JRK: variants seen among roughly 807,000 people sequenced by gnomAD.
JRK encodes the protein jerky protein homolog.
For missense variants in JRK, 720 were observed against 509.2 expected (o/e 1.41, Z -3.98); for synonymous variants, 303 against 218.1 (o/e 1.39, Z -3.43).
Position 142,660,274 on chromosome 8 carries a change from T to C in JRK, c.*4078A>G. The C allele has an allele frequency of 1.0e-6, 1 of 985,800 alleles. No homozygotes were observed. The highest frequency in any genetic ancestry group is 5.2e-4 in the Middle Eastern group (1 of 1,914). The allele number at this position is 985,800 out of a possible 1,614,324, so 61.1% of individuals were successfully genotyped here. On this transcript the variant is annotated 3_prime_UTR_variant, in exon 2 of 2. Coordinates refer to ENST00000612905, the MANE Select transcript of JRK (RefSeq NM_003724.4). ...AAGTGCAGAAGCCCTGCCCAGGCCC[T>C]GCCTCCCAGGCCACCACCCACCCCT...
Position 142,663,507 on chromosome 8 carries a change from A to T in JRK, c.*845T>A, listed in dbSNP as rs1339473356. On this transcript the variant is annotated 3_prime_UTR_variant, in exon 2 of 2. Transcript: ENST00000612905. ...ATGTCTGATCAAGACGTATTCATGT[A>T]AAGGCCATAAGTATGAAATTCTGGG... The T allele has an allele frequency of 1.0e-6, 1 of 985,368 alleles. No homozygotes were observed. Among genetic ancestry groups the T allele is most frequent in the Admixed American group, 6.1e-5 (1 of 16,278 alleles). 61.0% of individuals were successfully genotyped at this position (985,368 alleles called of 1,614,324 possible).
chr8:142,651,928 A>C, the JRK span, among the ~76,000 whole-genome samples: 83,451 of 151,870 alleles, frequency 0.55, 24,235 homozygotes, highest in Admixed American at 0.66. Context: ...CAAACTCCAT[A>C]AAGGAGTTAC....
At position 142,658,637 on chromosome 8, in the gene JRK, G is replaced by T; in HGVS notation, c.*5715C>A. The T allele has an allele frequency of 1.6e-6, 1 of 628,004 alleles. No individual in the cohort carries two copies. The highest frequency in any genetic ancestry group is 2.5e-6 in the Non-Finnish European group (1 of 401,276). The allele number at this position is 628,004 out of a possible 1,614,324, so 38.9% of individuals were successfully genotyped here. Reference sequence around the variant, plus strand: ...GCCCCACCCTCACGATCTCACCTAAGCCTAGTCACCTCCCAAAGGCCCCAC... The same window carrying T: ...GCCCCACCCTCACGATCTCACCTAATCCTAGTCACCTCCCAAAGGCCCCAC... On this transcript the variant is annotated 3_prime_UTR_variant, in exon 2 of 2. Coordinates refer to ENST00000612905, the MANE Select transcript of JRK (RefSeq NM_003724.4).
Position 142,662,213 on chromosome 8 carries a change from G to T in JRK, c.*2139C>A. On this transcript the variant is annotated 3_prime_UTR_variant, in exon 2 of 2. Transcript: ENST00000612905. Reference sequence around the variant, plus strand: ...CACAAGAGCAGATCAAGAACGGGAAGAGCTCAGGTCCTGAAGAGCTACAGT... The same window carrying T: ...CACAAGAGCAGATCAAGAACGGGAATAGCTCAGGTCCTGAAGAGCTACAGT... 1.4e-5 allele frequency: 14 copies of T among 985,536 alleles called. No homozygotes were observed. The highest frequency in any genetic ancestry group is 1.7e-5 in the Non-Finnish European group (14 of 830,026). 61.0% of individuals were successfully genotyped at this position (985,536 alleles called of 1,614,324 possible).
chr8:142,664,145 T>G lies in JRK; in HGVS notation c.*207A>C. ...CCTCACTTTCGGATGACACGGCAAG[T>G]GATAAAATAAAACCTGTATTGACAG... On this transcript the variant is annotated 3_prime_UTR_variant, in exon 2 of 2. Coordinates refer to ENST00000612905, the MANE Select transcript of JRK (RefSeq NM_003724.4). 2 of 1,324,268 alleles carry G rather than the reference T, an allele frequency of 1.5e-6. No homozygotes were observed. The highest frequency in any genetic ancestry group is 2.8e-5 in the East Asian group (1 of 35,924). 82.0% of individuals were successfully genotyped at this position (1,324,268 alleles called of 1,614,324 possible). A position where few individuals can be genotyped will look rare whatever the true frequency, so the allele number is the denominator to read the frequency against.
At chr8:142,648,009 A>G in the JRK span, among the ~76,000 whole-genome samples, 1 of 152,256 alleles carries the variant, frequency 6.6e-6, no homozygotes, top group Admixed American at 6.5e-5. Flanking sequence ...ATATTTTAGC[A>G]AAGAGACTGG....
downstream of JRK, among the ~76,000 whole-genome samples, chr8:142,653,909 T>C (rs1172264953): frequency 2.0e-5 from 3 of 152,178 alleles, no homozygotes; most frequent in Non-Finnish European, 2.9e-5. Flanking sequence ...ATAAGAAAAC[T>C]CCACTCTCCC....
At chr8:142,667,397 G>A (rs1847161238) in intron 1 of JRK, among the ~76,000 whole-genome samples, 1 of 151,412 alleles carries the variant, frequency 6.6e-6, no homozygotes, top group African/African-American at 2.4e-5. Flanking sequence ...ACCACGGCAG[G>A]GCCGCAGAGC....
At position 142,663,987 on chromosome 8, in the gene JRK, G is replaced by A. The variant is rs1554634998; in HGVS notation, c.*365C>T. 3 of 1,048,630 alleles carry A rather than the reference G, an allele frequency of 2.9e-6. No individual in the cohort carries two copies. Among genetic ancestry groups the A allele is most frequent in the Non-Finnish European group, 3.4e-6 (3 of 871,402 alleles). 65.0% of individuals were successfully genotyped at this position (1,048,630 alleles called of 1,614,324 possible). A position where few individuals can be genotyped will look rare whatever the true frequency, so the allele number is the denominator to read the frequency against. On this transcript the variant is annotated 3_prime_UTR_variant, in exon 2 of 2. Coordinates refer to ENST00000612905, the MANE Select transcript of JRK (RefSeq NM_003724.4). The stretch of plus-strand genomic sequence containing the variant: ...CAACTTCTCTCCACGTGGACAGACT[G>A]ACATCTCCACCCTCTGATACTGCAA...
chr8:142,645,429 T>C, the JRK span, among the ~76,000 whole-genome samples: 11 of 152,102 alleles, frequency 7.2e-5, no homozygotes, highest in Non-Finnish European at 1.5e-4. Flanking sequence ...CCTGCAATCC[T>C]AGCACTTTGG....
Position 142,662,963 on chromosome 8 carries a change from C to T in JRK, c.*1389G>A. ...TCGCTTGAGGCCAAGAGTTCAAGAC[C>T]AGCCTGGGCAACACAGTGAGACCCT... On this transcript the variant is annotated 3_prime_UTR_variant, in exon 2 of 2. Coordinates refer to ENST00000612905, the MANE Select transcript of JRK (RefSeq NM_003724.4). The T allele has an allele frequency of 1.4e-6, 1 of 705,678 alleles. No homozygotes were observed. Among genetic ancestry groups the T allele is most frequent in the Non-Finnish European group, 1.7e-6 (1 of 574,858 alleles). The allele number at this position is 705,678 out of a possible 1,614,324, so 43.7% of individuals were successfully genotyped here.
downstream of JRK, among the ~76,000 whole-genome samples, chr8:142,655,561 G>A (rs587609922): frequency 2.7e-4 from 41 of 152,034 alleles, no homozygotes; most frequent in African/African-American, 9.9e-4. Context: ...GGCAGGGGAA[G>A]GGATGCAGTG....
chr8:142,663,982 A>G lies in JRK; in HGVS notation c.*370T>C, dbSNP rs1274165046. 3.1e-5 allele frequency: 32 copies of G among 1,037,532 alleles called. No homozygotes were observed. The South Asian group carries it at 1.2e-3, about 38-fold the overall frequency. 64.3% of individuals were successfully genotyped at this position (1,037,532 alleles called of 1,614,324 possible). A position where few individuals can be genotyped will look rare whatever the true frequency, so the allele number is the denominator to read the frequency against. ...GAGGGCAACTTCTCTCCACGTGGAC[A>G]GACTGACATCTCCACCCTCTGATAC... On this transcript the variant is annotated 3_prime_UTR_variant, in exon 2 of 2. Coordinates refer to ENST00000612905, the MANE Select transcript of JRK (RefSeq NM_003724.4).
At chr8:142,666,586 C>T (rs1199958048) in intron 1 of JRK, 66 bp from the exon 2 acceptor site, 2 of 212,742 alleles carry the variant, frequency 9.4e-6, no homozygotes, top group Non-Finnish European at 1.9e-5. Context: ...GGCGTCCTCA[C>T]GACTCTCCTC....
chr8:142,662,508 C>A lies in JRK; in HGVS notation c.*1844G>T, dbSNP rs587676250. ...TCCCCAGACAATGAAGCAAACAGTGCGGGTGACACCACAAAGACAATGGGA... is the reference window on the plus strand; with the variant it reads ...TCCCCAGACAATGAAGCAAACAGTGAGGGTGACACCACAAAGACAATGGGA... On this transcript the variant is annotated 3_prime_UTR_variant, in exon 2 of 2. Transcript: ENST00000612905. 12 of 985,322 alleles carry A rather than the reference C, an allele frequency of 1.2e-5. No homozygotes were observed. The highest frequency in any genetic ancestry group is 1.2e-5 in the Non-Finnish European group (10 of 829,948). 61.0% of individuals were successfully genotyped at this position (985,322 alleles called of 1,614,324 possible).
chr8:142,666,342 A>C lies in JRK; in HGVS notation c.-284T>G. 1 of 526,020 alleles carries C rather than the reference A, an allele frequency of 1.9e-6. No homozygotes were observed. Among genetic ancestry groups the C allele is most frequent in the South Asian group, 2.1e-5 (1 of 47,238 alleles). 32.6% of individuals were successfully genotyped at this position (526,020 alleles called of 1,614,324 possible). A position where few individuals can be genotyped will look rare whatever the true frequency, so the allele number is the denominator to read the frequency against. ...GCCAATTCTCTCTGTGGAGGAGGTG[A>C]CCCTGTCAGACTCCCCTCTGCTGCT... On this transcript the variant is annotated 5_prime_UTR_variant, in exon 2 of 2. Coordinates refer to ENST00000612905, the MANE Select transcript of JRK (RefSeq NM_003724.4).
At position 142,662,701 on chromosome 8, in the gene JRK, C is replaced by T. The variant is rs587756650; in HGVS notation, c.*1651G>A. The T allele has an allele frequency of 2.9e-5, 29 of 985,404 alleles. No homozygotes were observed. Among genetic ancestry groups the T allele is most frequent in the Admixed American group, 6.1e-5 (1 of 16,286 alleles). The allele number at this position is 985,404 out of a possible 1,614,324, so 61.0% of individuals were successfully genotyped here. ...CTGTATCTACAGAGATGTGAAAGTA[C>T]GAGAAACCACAGCGAGCCAAATCCT... On this transcript the variant is annotated 3_prime_UTR_variant, in exon 2 of 2. Coordinates refer to ENST00000612905, the MANE Select transcript of JRK (RefSeq NM_003724.4).
In JRK at chr8:142,665,976, A is replaced by AGAAGC. The variant is rs1554636002; in HGVS notation, c.82_83insGCTTC (p.Ile28SerfsTer16). 1 of 1,133,296 alleles carries AGAAGC rather than the reference A, an allele frequency of 8.8e-7. No individual in the cohort carries two copies. Among genetic ancestry groups the AGAAGC allele is most frequent in the Non-Finnish European group, 1.3e-6 (1 of 741,152 alleles). The allele number at this position is 1,133,296 out of a possible 1,614,324, so 70.2% of individuals were successfully genotyped here. ...CTCGCCCTTCTCCAGGCGCGTGCAG[A>AGAAGC]TGTCAATCTTCTCCTTCAGTGTCAG... On this transcript the variant is annotated frameshift_variant, in exon 2 of 2. Coordinates refer to ENST00000612905, the MANE Select transcript of JRK (RefSeq NM_003724.4). LOFTEE classifies it low-confidence loss of function (END_TRUNC).
chr8:142,659,188 A>G lies in JRK; in HGVS notation c.*5164T>C. 8.0e-7 allele frequency: 1 copy of G among 1,242,842 alleles called. No homozygotes were observed. The highest frequency in any genetic ancestry group is 3.8e-5 in the East Asian group (1 of 26,122). 77.0% of individuals were successfully genotyped at this position (1,242,842 alleles called of 1,614,324 possible). A position where few individuals can be genotyped will look rare whatever the true frequency, so the allele number is the denominator to read the frequency against. ...GAGCCTCATGGTCACCCCAGAGGAC[A>G]GGCCTTCCTTTCACACACATCAGAA... On this transcript the variant is annotated 3_prime_UTR_variant, in exon 2 of 2. Coordinates refer to ENST00000612905, the MANE Select transcript of JRK (RefSeq NM_003724.4).
Sources: allele counts gnomAD v4.1 joint callset (sites outside exome capture counted in the v4.1 genomes callset), GRCh38; gene constraint gnomAD v4.1.1; transcripts MANE v1.5; gene names NCBI Gene and HGNC (gene_info 2026-07-23, HGNC 2026-07-21).